Variants in ITIH5 observed in about 807,000 individuals in gnomAD.
ITIH5 encodes the protein inter-alpha-trypsin inhibitor heavy chain 5.
ITIH5 carries 65 observed loss-of-function variants against 77.5 expected under a neutral mutation model. The ratio of observed to expected loss-of-function variants is 0.84; its 90% confidence interval spans 0.69 to 1.03. The LOEUF (loss-of-function observed/expected upper bound fraction) is 1.03. Among genes scored for constraint, ITIH5 ranks in the 50% least tolerant of loss-of-function variants. The pLI is 0.00. For missense variants in ITIH5, 1,208 were observed against 1,213.1 expected, an observed-to-expected ratio of 1.00 and a Z score of 0.06; for synonymous variants, 525 against 494.3, an observed-to-expected ratio of 1.06 and a Z score of -0.82.
chr10:7,586,070 C>A lies in ITIH5; in HGVS notation c.940-1G>T. 1 of 1,611,242 alleles carries A rather than the reference C, an allele frequency of 6.2e-7. No individual in the cohort carries two copies. Among genetic ancestry groups the A allele is most frequent in the Non-Finnish European group, 8.5e-7 (1 of 1,178,846 alleles). On this transcript the variant is annotated splice_acceptor_variant, in intron 7 of 13. Coordinates refer to ENST00000397146, the MANE Select transcript of ITIH5 (RefSeq NM_030569.7). LOFTEE classifies it high-confidence loss of function. Reference sequence around the variant, plus strand: ...GAATTGTGAAGAGGGCATCCTTGGTCTAGGCAAACACAAAAGCAAAACCAG... The same window carrying A: ...GAATTGTGAAGAGGGCATCCTTGGTATAGGCAAACACAAAAGCAAAACCAG...
In ITIH5 at chr10:7,645,016, G is replaced by A. The variant is rs187654983; in HGVS notation, c.136-2926C>T. Among the ~76,000 whole-genome samples, 120 of 149,710 alleles carry A rather than the reference G, an allele frequency of 8.0e-4. 2 individuals are homozygous for A. The East Asian group carries it at 0.019, about 23-fold the overall frequency. On this transcript the variant is annotated intron_variant, in intron 2 of 13. Transcript: ENST00000397146. ...GACTTGAACACCAAGACAGGGAGCTGCAATGGTTGGAGCCAAGCACATGAG... is the reference window on the plus strand; with the variant it reads ...GACTTGAACACCAAGACAGGGAGCTACAATGGTTGGAGCCAAGCACATGAG...
intron 9 of ITIH5, among the ~76,000 whole-genome samples, chr10:7,579,234 T>A: frequency 6.6e-6 from 1 of 152,216 alleles, no homozygotes; most frequent in Non-Finnish European, 1.5e-5. Flanking sequence ...TGTCTTAAAA[T>A]CTTGCTTAGG....
Position 7,600,667 on chromosome 10 carries a change from C to T in ITIH5, c.940-14598G>A, listed in dbSNP as rs148558476. On this transcript the variant is annotated intron_variant, in intron 7 of 13. Coordinates refer to ENST00000397146, the MANE Select transcript of ITIH5 (RefSeq NM_030569.7). ...GAATTTGGCAAAGCCTAGGGGTACA[C>T]AAGGGACAGTTTGGGTCCCCCTAAA... The T allele has an allele frequency of 2.5e-4, 109 of 441,832 alleles. No individual in the cohort carries two copies. The East Asian group carries it at 6.3e-3, about 26-fold the overall frequency. The allele number at this position is 441,832 out of a possible 1,614,324, so 27.4% of individuals were successfully genotyped here.
intron 2 of ITIH5, among the ~76,000 whole-genome samples, chr10:7,644,418 T>C (rs1482164956): frequency 6.9e-6 from 1 of 145,714 alleles, no homozygotes; most frequent in Non-Finnish European, 1.5e-5. Flanking sequence ...ATATATCATA[T>C]ATATCACATA....
chr10:7,569,785 C>A lies in ITIH5; in HGVS notation c.2033-1G>T. ...ACAACAAAGTGGGGATCACCATCCA[C>A]TGCCAGAGCAGAAGAAAACGGAGAG... On this transcript the variant is annotated splice_acceptor_variant, in intron 11 of 13. Transcript: ENST00000397146. LOFTEE classifies it high-confidence loss of function. 1 of 1,586,692 alleles carries A rather than the reference C, an allele frequency of 6.3e-7. No individual in the cohort carries two copies. The highest frequency in any genetic ancestry group is 8.6e-7 in the Non-Finnish European group (1 of 1,163,740).
At chr10:7,584,894 T>A (rs1832642423) in intron 8 of ITIH5, among the ~76,000 whole-genome samples, 1 of 152,168 alleles carries the variant, frequency 6.6e-6, no homozygotes, top group South Asian at 2.1e-4. Flanking sequence ...GTTCCTAGAT[T>A]ATACTGTTTG....
At chr10:7,651,174 G>A (rs78369378) in intron 2 of ITIH5, among the ~76,000 whole-genome samples, 5,686 of 148,030 alleles carry the variant, frequency 0.038, 188 homozygotes, top group African/African-American at 0.092. Flanking sequence ...TGGAAAGACC[G>A]TCCCTCCCAG....
At chr10:7,570,159 G>C (rs1832269133) in intron 11 of ITIH5, 1 of 160,500 alleles carries the variant, frequency 6.2e-6, no homozygotes, top group Non-Finnish European at 1.4e-5. Flanking sequence ...GACATCCCTT[G>C]CTATTTGCTT....
At chr10:7,653,782 C>T (rs1032621209) in intron 2 of ITIH5, among the ~76,000 whole-genome samples, 1 of 152,188 alleles carries the variant, frequency 6.6e-6, no homozygotes, top group African/African-American at 2.4e-5. Context: ...ACCACCTCTT[C>T]CCAGCTGTGT....
intron 4 of ITIH5, among the ~76,000 whole-genome samples, chr10:7,638,105 G>T (rs1833830392): frequency 6.6e-6 from 1 of 152,164 alleles, no homozygotes; most frequent in Non-Finnish European, 1.5e-5. Flanking sequence ...AAGGCTTGGG[G>T]TGTTCAGTAG....
At chr10:7,621,399 C>A (rs1416075849) in intron 5 of ITIH5, 1 of 152,072 alleles carries the variant, frequency 6.6e-6, no homozygotes, top group Admixed American at 6.6e-5. Flanking sequence ...TGATATGGAC[C>A]ATGAGGAAGG....
intron 8 of ITIH5, among the ~76,000 whole-genome samples, chr10:7,581,109 A>G (rs1832542329): frequency 1.3e-5 from 2 of 151,924 alleles, no homozygotes; most frequent in South Asian, 4.2e-4. Flanking sequence ...AAAATACAAA[A>G]ATTAGCCGGG....
At chr10:7,609,488 C>G in intron 7 of ITIH5, 1 of 456,652 alleles carries the variant, frequency 2.2e-6, no homozygotes, top group Non-Finnish European at 4.4e-6. Flanking sequence ...AGGGAGAAAC[C>G]AATGTCCTAG....
chr10:7,569,660 G>A lies in ITIH5; in HGVS notation c.2149+8C>T. 6.3e-7 allele frequency: 1 copy of A among 1,582,220 alleles called. No individual in the cohort carries two copies. ...TGCCCAGATGCTGCAGCGGAAGGTA[G>A]AACTTACCAGAGTCCCTGTGATCAG... On this transcript the variant is annotated splice_region_variant and intron_variant, in intron 12 of 13. Transcript: ENST00000397146.
chr10:7,587,880 T>G (rs1450801578), intron 7 of ITIH5, among the ~76,000 whole-genome samples: 5 of 152,188 alleles, frequency 3.3e-5, no homozygotes, highest in Non-Finnish European at 7.3e-5. Context: ...TTCCCCAGGT[T>G]CAGACAGATG....
intron 7 of ITIH5, chr10:7,600,579 T>C (rs910224279): frequency 4.6e-5 from 21 of 456,616 alleles, no homozygotes; most frequent in African/African-American, 3.6e-4. Flanking sequence ...GAAGAGATGA[T>C]TGGGAAATCA....
intron 1 of ITIH5, among the ~76,000 whole-genome samples, chr10:7,663,523 T>C (rs1452061183): frequency 1.3e-5 from 2 of 152,220 alleles, no homozygotes; most frequent in Non-Finnish European, 2.9e-5. Context: ...GCCTGTCAGA[T>C]TGTCAAAATG....
chr10:7,619,593 C>A, intron 5 of ITIH5: 1 of 393,620 alleles, frequency 2.5e-6, no homozygotes, highest in Non-Finnish European at 5.2e-6. Context: ...TTCCGCATGG[C>A]TGGGGAAGCC....
intron 1 of ITIH5, 32 bp downstream of exon 1, chr10:7,666,771 C>G: frequency 1.3e-6 from 2 of 1,580,722 alleles, no homozygotes; most frequent in South Asian, 1.1e-5. Context: ...GGCGGCCGCG[C>G]CCGGGACCCG....
Sources: gnomAD v4.1 joint callset for allele counts (sites outside exome capture counted in the v4.1 genomes callset) on GRCh38, gnomAD v4.1.1 for gene constraint, MANE v1.5 for transcripts, NCBI Gene and HGNC (gene_info 2026-07-23, HGNC 2026-07-21) for gene names.